Variants in AR observed in about 807,000 individuals in gnomAD.
The protein encoded by AR is androgen receptor, also known as dihydrotestosterone receptor.
AR carries 8 observed loss-of-function variants against 53.9 expected under a neutral mutation model. The ratio of observed to expected loss-of-function variants is 0.15; its 90% CI spans 0.09 to 0.27. The LOEUF is 0.27. Ranked by LOEUF, AR falls within the 10% of genes least tolerant of loss-of-function variation. AR has a pLI of 1.00. For missense variants in AR, 639 were observed against 742.5 expected, an observed-to-expected ratio of 0.86 and a Z score of 1.62; for synonymous variants, 359 against 316.4, an observed-to-expected ratio of 1.13 and a Z score of -1.43.
chrX:67,682,096 C>G (rs2075938111), intron 2 of AR, among the ~76,000 whole-genome samples: 1 of 111,358 alleles, frequency 9.0e-6, no homozygotes, highest in African/African-American at 3.3e-5. Context: ...AAGGCCATAT[C>G]AGACAAGCCC....
Position 67,690,297 on chromosome X carries a change from G to A in AR, c.1885+4171G>A, listed in dbSNP as rs1484596680. On this transcript the variant is annotated intron_variant, in intron 3 of 7. Transcript: ENST00000374690. ...ATATCTACAGGTTTTGACAACCTCT[G>A]TGAATTATCTAGTTGAGAGGATGGC... 4.5e-5 allele frequency among the ~76,000 whole-genome samples: 5 copies of A among 112,048 alleles called. No individual in the cohort carries two copies. In the East Asian group the frequency reaches 1.4e-3, roughly 31 times the overall value.
intron 2 of AR, among the ~76,000 whole-genome samples, chrX:67,664,825 C>T (rs1927173040): frequency 8.9e-6 from 1 of 112,516 alleles, no homozygotes; most frequent in Non-Finnish European, 1.9e-5. Context: ...GCGGGCACCC[C>T]TCCCCCAGCC....
chrX:67,548,972 C>T (rs918768032), intron 1 of AR, among the ~76,000 whole-genome samples: 2 of 111,408 alleles, frequency 1.8e-5, no homozygotes, highest in African/African-American at 6.5e-5. Context: ...TGTGAGTTGA[C>T]GAAGACTTTC....
chrX:67,709,149 C>G (rs1032045977), intron 3 of AR, among the ~76,000 whole-genome samples: 1 of 111,747 alleles, frequency 8.9e-6, no homozygotes, highest in African/African-American at 3.3e-5. Flanking sequence ...CTGGGAGAAC[C>G]ACTACTCTCT....
intron 2 of AR, among the ~76,000 whole-genome samples, chrX:67,671,937 G>A: frequency 9.0e-6 from 1 of 111,324 alleles, no homozygotes; most frequent in East Asian, 2.8e-4. Context: ...TGAGGCCTCT[G>A]CTCTGTTCCA....
At chrX:67,614,144 G>A (rs1267351146) in intron 1 of AR, among the ~76,000 whole-genome samples, 1 of 112,094 alleles carries the variant, frequency 8.9e-6, no homozygotes, top group African/African-American at 3.2e-5. Flanking sequence ...CAGAGGCAGT[G>A]CTGGGAAATA....
chrX:67,587,719 CAT>C (rs1922618199), intron 1 of AR, among the ~76,000 whole-genome samples: 1 of 111,426 alleles, frequency 9.0e-6, no homozygotes, highest in Non-Finnish European at 1.9e-5. Context: ...TATACTTACT[CAT>C]AGTGTGACCC....
intron 1 of AR, among the ~76,000 whole-genome samples, chrX:67,594,914 A>C (rs1328121044): frequency 4.5e-5 from 5 of 111,289 alleles, no homozygotes; most frequent in African/African-American, 6.5e-5. Flanking sequence ...ACAGGACTGC[A>C]CTCCAGCCTG....
intron 4 of AR, among the ~76,000 whole-genome samples, chrX:67,713,072 C>T (rs781318848): frequency 8.9e-6 from 1 of 112,143 alleles, no homozygotes; most frequent in South Asian, 3.7e-4. Context: ...TTCCACTCCA[C>T]CTGTAGGCTG....
intron 2 of AR, among the ~76,000 whole-genome samples, chrX:67,661,246 G>A (rs182216435): frequency 9.0e-6 from 1 of 110,598 alleles, no homozygotes; most frequent in East Asian, 2.9e-4. Flanking sequence ...ACTTCCAACA[G>A]TATGTTGAAT....
intron 2 of AR, among the ~76,000 whole-genome samples, chrX:67,661,573 C>A (rs986465677): frequency 9.0e-6 from 1 of 111,262 alleles, no homozygotes; most frequent in Non-Finnish European, 1.9e-5. Context: ...CCCACTTGAT[C>A]ATAGTGGATA....
At position 67,568,656 on chromosome X, in the gene AR, T is replaced by C. The variant is rs894197666; in HGVS notation, c.1616+21894T>C. Among the ~76,000 whole-genome samples the C allele has an allele frequency of 2.7e-5, 3 of 111,874 alleles. No homozygotes were observed. In the East Asian group the frequency reaches 8.5e-4, roughly 32 times the overall value. ...GAGGGATTCTGATCTCTATATGCAA[T>C]ATTTTCACACTACTGTACTTATTGA... On this transcript the variant is annotated intron_variant, in intron 1 of 7. Coordinates refer to ENST00000374690, the MANE Select transcript of AR (RefSeq NM_000044.6).
At chrX:67,553,593 A>G (rs1930076296) in intron 1 of AR, among the ~76,000 whole-genome samples, 1 of 112,142 alleles carries the variant, frequency 8.9e-6, no homozygotes, top group Non-Finnish European at 1.9e-5. Context: ...CGAAGAAGTC[A>G]GCTAGGATTC....
intron 2 of AR, among the ~76,000 whole-genome samples, chrX:67,682,145 G>A (rs1029914834): frequency 1.1e-4 from 12 of 111,646 alleles, no homozygotes; most frequent in Non-Finnish European, 1.9e-4. Context: ...AATGAGATAA[G>A]GATGCTCACT....
intron 2 of AR, among the ~76,000 whole-genome samples, chrX:67,661,622 A>T (rs1201823740): frequency 1.8e-5 from 2 of 111,731 alleles, no homozygotes. Context: ...TTTTGCATCA[A>T]TGTTTATCAG....
At chrX:67,625,170 A>T in intron 1 of AR, among the ~76,000 whole-genome samples, 1 of 111,246 alleles carries the variant, frequency 9.0e-6, no homozygotes, top group Non-Finnish European at 1.9e-5. Flanking sequence ...CACTCACAAT[A>T]TAATCAAAAT....
chrX:67,666,731 G>A (rs1447868563), intron 2 of AR, among the ~76,000 whole-genome samples: 1 of 111,706 alleles, frequency 9.0e-6, no homozygotes, highest in Non-Finnish European at 1.9e-5. Flanking sequence ...ATTACTGCCT[G>A]TTCTTTGGAT....
rs1353209112 is a variant in AR at position 67,546,576 on chromosome X, C to T, written c.1430C>T (p.Ala477Val). ...GGCGGCGGCGGCGGCGAGGCGGGAGCTGTAGCCCCCTACGGCTACACTCGG... is the reference window on the plus strand; with the variant it reads ...GGCGGCGGCGGCGGCGAGGCGGGAGTTGTAGCCCCCTACGGCTACACTCGG... ...GGGGGGGEAG[A>V]VAPYGYTRPP... Residue 477 changes from alanine to valine, a missense_variant, in exon 1 of 8, where the codon GCT becomes GTT. Physicochemically the swap from Ala to Val is moderately conservative, Grantham distance 64. Coordinates refer to ENST00000374690, the MANE Select transcript of AR (RefSeq NM_000044.6). 2.7e-6 allele frequency: 3 copies of T among 1,114,018 alleles called. No homozygotes were observed. Among genetic ancestry groups the T allele is most frequent in the South Asian group, 4.5e-5 (2 of 44,807 alleles). 91.8% of individuals were successfully genotyped at this position (1,114,018 alleles called of 1,213,427 possible). A position where few individuals can be genotyped will look rare whatever the true frequency, so the allele number is the denominator to read the frequency against.
At chrX:67,597,475 G>A (rs1923136958) in intron 1 of AR, among the ~76,000 whole-genome samples, 1 of 111,888 alleles carries the variant, frequency 8.9e-6, no homozygotes, top group African/African-American at 3.2e-5. Flanking sequence ...TGTAGTAAGA[G>A]CATACTTATA....
Sources: allele counts gnomAD v4.1 joint callset (sites outside exome capture counted in the v4.1 genomes callset), GRCh38; gene constraint gnomAD v4.1.1; transcripts MANE v1.5; gene names NCBI Gene and HGNC (gene_info 2026-07-23, HGNC 2026-07-21).